Variants in TWSG1 observed in about 807,000 individuals in gnomAD.
TWSG1 encodes the protein twisted gastrulation protein homolog 1.
Under a neutral mutation model 23.0 loss-of-function variants are expected in TWSG1, and 15 were observed. The observed-to-expected ratio is 0.65, with a 90% confidence interval of 0.44 to 1.00. TWSG1 has a LOEUF of 1.00. Among genes scored for constraint, TWSG1 ranks in the 50% least tolerant of loss-of-function variants. The pLI, the probability that TWSG1 is intolerant of heterozygous loss-of-function variation, is 0.00. For synonymous variants in TWSG1, 86 were observed against 92.8 expected (o/e 0.93, Z 0.42); for missense variants, 242 against 278.7 (o/e 0.87, Z 0.94).
At chr18:9,380,377 G>A (rs2040650947) in intron 3 of TWSG1, among the ~76,000 whole-genome samples, 1 of 152,066 alleles carries the variant, frequency 6.6e-6, no homozygotes, top group Non-Finnish European at 1.5e-5. Context: ...TTGCTTCAAG[G>A]GTCCATGCTC....
chr18:9,359,865 G>T, intron 2 of TWSG1, 107 bp from the exon 3 acceptor site: 1 of 700,366 alleles, frequency 1.4e-6, no homozygotes, highest in Non-Finnish European at 2.4e-6. Context: ...ATTATGTGAA[G>T]AATACATTAC....
chr18:9,361,370 ATTTCCAT>A, intron 3 of TWSG1, among the ~76,000 whole-genome samples: 1 of 152,138 alleles, frequency 6.6e-6, no homozygotes, highest in South Asian at 2.1e-4. Context: ...TCCTTGCATG[ATTTCCAT>A]TTTCTCAGGT....
At position 9,396,389 on chromosome 18, in the gene TWSG1, TACTC is replaced by T. The variant is rs2040735874; in HGVS notation, c.335_338del (p.Thr112SerfsTer2). ...TCTTCCGGGCACTCACAGAAGGAGA[TACTC>T]AGTTGAATTGGAACATCGTTTCTTT... is the stretch of plus-strand genomic sequence containing the variant. On this transcript the variant is annotated frameshift_variant, in exon 4 of 5. Transcript: ENST00000262120. LOFTEE classifies it high-confidence loss of function. 1 of 1,614,174 alleles carries T rather than the reference TACTC, an allele frequency of 6.2e-7. No individual in the cohort carries two copies. Among genetic ancestry groups the T allele is most frequent in the Non-Finnish European group, 8.5e-7 (1 of 1,180,032 alleles).
At chr18:9,386,137 C>G (rs1162901960) in intron 3 of TWSG1, among the ~76,000 whole-genome samples, 2 of 147,792 alleles carry the variant, frequency 1.4e-5, no homozygotes, top group African/African-American at 5.0e-5. Flanking sequence ...CCACTGATGC[C>G]TGAGCAACAC....
At chr18:9,357,312 C>T (rs529466526) in intron 2 of TWSG1, among the ~76,000 whole-genome samples, 1 of 152,288 alleles carries the variant, frequency 6.6e-6, no homozygotes, top group South Asian at 2.1e-4. Context: ...CACACATATA[C>T]ACTTATATCA....
intron 2 of TWSG1, among the ~76,000 whole-genome samples, chr18:9,358,063 A>G (rs1412172139): frequency 6.6e-6 from 1 of 152,236 alleles, no homozygotes; most frequent in East Asian, 1.9e-4. Context: ...ATATGAATAT[A>G]TCAATGAAGA....
At chr18:9,376,848 A>T (rs1236261710) in intron 3 of TWSG1, among the ~76,000 whole-genome samples, 1 of 151,740 alleles carries the variant, frequency 6.6e-6, no homozygotes, top group Non-Finnish European at 1.5e-5. Context: ...AAAAAAAAAA[A>T]AAGTATTAGG....
chr18:9,355,863 C>T (rs1040177289), intron 2 of TWSG1, among the ~76,000 whole-genome samples: 3 of 152,136 alleles, frequency 2.0e-5, no homozygotes, highest in Admixed American at 6.5e-5. Context: ...AGAATGCTGA[C>T]GTGAGTTATG....
intron 3 of TWSG1, among the ~76,000 whole-genome samples, chr18:9,366,040 A>G (rs1038210551): frequency 7.9e-5 from 12 of 152,196 alleles, no homozygotes; most frequent in Admixed American, 3.3e-4. Flanking sequence ...AACTTGTGCC[A>G]ATAAATAAAA....
chr18:9,336,693 G>A (rs1217995665), intron 1 of TWSG1, among the ~76,000 whole-genome samples: 1 of 152,166 alleles, frequency 6.6e-6, no homozygotes, highest in Non-Finnish European at 1.5e-5. Flanking sequence ...AATAGTAGCA[G>A]TGCAGTATTG....
intron 2 of TWSG1, 94 bp downstream of exon 2, chr18:9,337,446 A>G: frequency 7.2e-7 from 1 of 1,380,366 alleles, no homozygotes. Flanking sequence ...TATCATATAG[A>G]GTAAGACCTG....
intron 2 of TWSG1, among the ~76,000 whole-genome samples, chr18:9,352,100 G>C (rs1286882404): frequency 6.6e-6 from 1 of 151,992 alleles, no homozygotes; most frequent in Non-Finnish European, 1.5e-5. Context: ...CCTAGCCTCA[G>C]CCCCTGGCAA....
chr18:9,381,168 G>T (rs1450955472), intron 3 of TWSG1, among the ~76,000 whole-genome samples: 1 of 152,192 alleles, frequency 6.6e-6, no homozygotes, highest in Admixed American at 6.5e-5. Context: ...TCACAATGAG[G>T]TCTATTTGAT....
chr18:9,349,935 T>G (rs985778268), intron 2 of TWSG1, among the ~76,000 whole-genome samples: 8 of 151,744 alleles, frequency 5.3e-5, no homozygotes, highest in African/African-American at 1.9e-4. Context: ...AGGTCAGGAG[T>G]TTGAGAACAG....
At chr18:9,340,185 G>A (rs918898230) in intron 2 of TWSG1, among the ~76,000 whole-genome samples, 6 of 151,860 alleles carry the variant, frequency 4.0e-5, no homozygotes, top group African/African-American at 2.4e-5. Flanking sequence ...TGGCTAACAT[G>A]GTGAAACCCC....
chr18:9,389,754 G>C (rs7228819), intron 3 of TWSG1, among the ~76,000 whole-genome samples: 72,266 of 152,106 alleles, frequency 0.48, 18,176 homozygotes, highest in East Asian at 0.71. Flanking sequence ...TGAGGAAGAA[G>C]TGAAACTCCA....
chr18:9,395,218 C>A (rs1346868414), intron 3 of TWSG1, among the ~76,000 whole-genome samples: 1 of 152,204 alleles, frequency 6.6e-6, no homozygotes, highest in South Asian at 2.1e-4. Context: ...TTCTTGGCAA[C>A]ATCACCACCT....
chr18:9,400,378 C>A lies in TWSG1; in HGVS notation c.*851C>A, dbSNP rs1358294724. 1.3e-5 allele frequency: 2 copies of A among 152,160 alleles called. No individual in the cohort carries two copies. The highest frequency in any genetic ancestry group is 2.4e-5 in the African/African-American group (1 of 41,426). The allele number at this position is 152,160 out of a possible 1,614,324, so 9.4% of individuals were successfully genotyped here. On this transcript the variant is annotated 3_prime_UTR_variant, in exon 5 of 5. Coordinates refer to ENST00000262120, the MANE Select transcript of TWSG1 (RefSeq NM_020648.6). The stretch of plus-strand genomic sequence containing the variant: ...GGAACGAATGCCAAATCAGACTCCA[C>A]CTAGAGCACCAGGAAACAGCTTGTA...
chr18:9,368,168 G>A (rs1289993921), intron 3 of TWSG1, among the ~76,000 whole-genome samples: 3 of 151,940 alleles, frequency 2.0e-5, no homozygotes, highest in African/African-American at 7.3e-5. Flanking sequence ...CTTCTAAAAG[G>A]TATGAGGTAA....
Sources: allele counts gnomAD v4.1 joint callset (sites outside exome capture counted in the v4.1 genomes callset), GRCh38; gene constraint gnomAD v4.1.1; transcripts MANE v1.5; gene names NCBI Gene and HGNC (gene_info 2026-07-23, HGNC 2026-07-21).